BACE1: variants seen among roughly 807,000 people sequenced by gnomAD.
The protein encoded by BACE1 is beta-secretase 1, also known as APP beta-secretase.
In BACE1, 21 loss-of-function variants were observed where a neutral mutation model predicts 54.0. The observed-to-expected ratio is 0.39, with a 90% CI of 0.28 to 0.56. The LOEUF (loss-of-function observed/expected upper bound fraction) is 0.56, where lower values mean the gene tolerates loss of function less well. Ranked by LOEUF, BACE1 falls within the 20% of genes least tolerant of loss-of-function variation. BACE1 has a pLI of 0.63. For synonymous variants in BACE1, 232 were observed against 260.9 expected (o/e 0.89, Z 1.07); for missense variants, 511 against 661.2 (o/e 0.77, Z 2.49).
At chr11:117,303,746 C>A (rs1448864466) in intron 1 of BACE1, among the ~76,000 whole-genome samples, 2 of 152,222 alleles carry the variant, frequency 1.3e-5, no homozygotes, top group Non-Finnish European at 2.9e-5. Flanking sequence ...AGCTCCAATT[C>A]TTCTTCCTAT....
chr11:117,315,690 C>T lies in BACE1; in HGVS notation c.106G>A (p.Gly36Ser), dbSNP rs761167472. 9 of 1,513,868 alleles carry T rather than the reference C, an allele frequency of 5.9e-6. No individual in the cohort carries two copies. In the African/African-American group the frequency reaches 8.7e-5, roughly 15 times the overall value. 93.8% of individuals were successfully genotyped at this position (1,513,868 alleles called of 1,614,324 possible). A position where few individuals can be genotyped will look rare whatever the true frequency, so the allele number is the denominator to read the frequency against. The change falls in exon 1 of 9, where the codon GGC becomes AGC. Residue 36 changes from glycine (G) to serine (S), a missense_variant. By Grantham distance (56) the Gly-to-Ser change is moderately conservative. Around this residue, in one of 2 missense-constraint regions of BACE1, gnomAD observed 104 missense variants for 95.5 expected, o/e 1.09. Coordinates refer to ENST00000313005, the MANE Select transcript of BACE1 (RefSeq NM_012104.6). This position sits in a 1 kb window ranked among gnomAD's most constrained non-coding sequence, Gnocchi z 5.5. ...IRLPLRSGLG[G>S]APLGLRLPRE... The stretch of plus-strand genomic sequence containing the variant: ...GGCAGCCGCAGCCCCAGGGGGGCGC[C>T]CCCCAGGCCGCTGCGCAGGGGCAGC...
intron 1 of BACE1, among the ~76,000 whole-genome samples, chr11:117,304,962 TTC>T (rs1311806156): frequency 7.7e-6 from 1 of 130,254 alleles, no homozygotes; most frequent in African/African-American, 2.9e-5. Context: ...ACTCTTCCTA[TTC>T]TTTTTTTTTT....
chr11:117,301,050 A>G (rs996844747), intron 1 of BACE1, among the ~76,000 whole-genome samples: 36 of 151,904 alleles, frequency 2.4e-4, no homozygotes, highest in African/African-American at 7.5e-4. Context: ...AGCCCTTACT[A>G]CAGTTACCGG....
At chr11:117,306,110 T>G (rs1221247704) in intron 1 of BACE1, among the ~76,000 whole-genome samples, 1 of 152,134 alleles carries the variant, frequency 6.6e-6, no homozygotes, top group South Asian at 2.1e-4. Context: ...GTATGCAGGA[T>G]CCTAGTGTAC....
intron 1 of BACE1, among the ~76,000 whole-genome samples, chr11:117,299,425 CCT>C (rs1303787534): frequency 1.3e-5 from 2 of 152,016 alleles, no homozygotes; most frequent in South Asian, 4.2e-4. Context: ...TCAGTTTCGT[CCT>C]CTCTGCCAGA....
chr11:117,299,881 T>C (rs1283448855), intron 1 of BACE1, among the ~76,000 whole-genome samples: 1 of 152,200 alleles, frequency 6.6e-6, no homozygotes, highest in Non-Finnish European at 1.5e-5. Flanking sequence ...CTGCTATCAC[T>C]GGACCCCAAA....
At chr11:117,292,970 C>A in intron 5 of BACE1, 84 bp downstream of exon 5, 1 of 1,519,894 alleles carries the variant, frequency 6.6e-7, no homozygotes, top group South Asian at 1.3e-5. Flanking sequence ...TCTGCCTCAT[C>A]CTCCCAACAT....
At chr11:117,298,533 G>C (rs1285762668) in intron 1 of BACE1, among the ~76,000 whole-genome samples, 1 of 152,178 alleles carries the variant, frequency 6.6e-6, no homozygotes, top group African/African-American at 2.4e-5. Context: ...GCTCAGAGAA[G>C]ACCTATTCTA....
intron 1 of BACE1, among the ~76,000 whole-genome samples, chr11:117,314,345 G>A (rs922471629): frequency 6.6e-6 from 1 of 152,210 alleles, no homozygotes; most frequent in Non-Finnish European, 1.5e-5. Flanking sequence ...CTAGCTGAGA[G>A]GTAGGGCTGG....
intron 1 of BACE1, among the ~76,000 whole-genome samples, chr11:117,302,170 C>A (rs559185805): frequency 6.6e-6 from 1 of 151,776 alleles, no homozygotes; most frequent in African/African-American, 2.4e-5. Flanking sequence ...CCCATCTCTA[C>A]AAAAATACAA....
At chr11:117,313,680 T>G (rs767106043) in intron 1 of BACE1, among the ~76,000 whole-genome samples, 3 of 152,182 alleles carry the variant, frequency 2.0e-5, no homozygotes, top group Non-Finnish European at 4.4e-5. Context: ...TCAGGTGATC[T>G]GCCCACCTTG....
chr11:117,312,097 A>G (rs1004519663), intron 1 of BACE1, among the ~76,000 whole-genome samples: 1 of 152,154 alleles, frequency 6.6e-6, no homozygotes, highest in Non-Finnish European at 1.5e-5. Flanking sequence ...GCTCTATTTT[A>G]TTTACCCAAA....
At chr11:117,302,333 A>AAAAAC (rs533088595) in intron 1 of BACE1, among the ~76,000 whole-genome samples, 89 of 149,064 alleles carry the variant, frequency 6.0e-4, no homozygotes, top group East Asian at 1.9e-3. Context: ...ATTCTGTCTC[A>AAAAAC]AAAACAAAAC....
chr11:117,298,403 G>C (rs2034650935), intron 1 of BACE1, among the ~76,000 whole-genome samples: 1 of 152,166 alleles, frequency 6.6e-6, no homozygotes, highest in Non-Finnish European at 1.5e-5. Flanking sequence ...TGCTGTCTCT[G>C]TTCCCATGTC....
chr11:117,299,656 G>A (rs768039673), intron 1 of BACE1: 4 of 400,082 alleles, frequency 1.0e-5, no homozygotes, highest in East Asian at 1.1e-4. Context: ...ACCTCTACCC[G>A]TGGTCTCTCT....
intron 1 of BACE1, chr11:117,299,765 A>G (rs1197216406): frequency 3.4e-6 from 1 of 294,660 alleles, no homozygotes; most frequent in African/African-American, 2.3e-5. Flanking sequence ...CAACCAGGTT[A>G]ATGATTAAGA....
rs1032799103 is a variant in BACE1 at position 117,287,060 on chromosome 11, CT to C, written c.*2505del. The C allele has an allele frequency of 6.6e-6, 1 of 152,100 alleles. No homozygotes were observed. Among genetic ancestry groups the C allele is most frequent in the African/African-American group, 2.4e-5 (1 of 41,410 alleles). 9.4% of individuals were successfully genotyped at this position (152,100 alleles called of 1,614,324 possible). On this transcript the variant is annotated 3_prime_UTR_variant, in exon 9 of 9. Coordinates refer to ENST00000313005, the MANE Select transcript of BACE1 (RefSeq NM_012104.6). ...AAAATGAGTGTAAAGCATATTGTTT[CT>C]TTTCCAAAATCCTTTGAAGCCAAAG...
intron 8 of BACE1, among the ~76,000 whole-genome samples, chr11:117,290,009 C>G (rs1297096713): frequency 6.6e-6 from 1 of 152,152 alleles, no homozygotes; most frequent in Non-Finnish European, 1.5e-5. Context: ...AGCAGCAGCC[C>G]TTCCTTGTAT....
At chr11:117,312,652 G>A (rs1285886409) in intron 1 of BACE1, among the ~76,000 whole-genome samples, 3 of 152,194 alleles carry the variant, frequency 2.0e-5, no homozygotes, top group Non-Finnish European at 4.4e-5. Flanking sequence ...TCGTAGAGAT[G>A]GGGTTTCACC....
Sources: gnomAD v4.1 joint callset for allele counts (sites outside exome capture counted in the v4.1 genomes callset) on GRCh38, gnomAD v4.1.1 for gene constraint, gnomAD v4.1.1 regional missense constraint, Gnocchi (gnomAD v3.1) non-coding constraint, MANE v1.5 for transcripts, NCBI Gene and HGNC (gene_info 2026-07-23, HGNC 2026-07-21) for gene names.